Variants in RDX observed in about 807,000 individuals in gnomAD.
RDX encodes radixin, also known as deafness, autosomal recessive 24.
A neutral mutation model predicts 83.7 loss-of-function variants in RDX; 32 were observed. That is an observed-to-expected ratio of 0.38 (90% CI 0.29 to 0.51). The LOEUF (loss-of-function observed/expected upper bound fraction) is 0.51, where lower values mean the gene tolerates loss of function less well. Among genes scored for constraint, RDX ranks in the 20% least tolerant of loss-of-function variants. The pLI is 0.87. For missense variants in RDX, 600 were observed against 689.9 expected, an observed-to-expected ratio of 0.87 and a Z score of 1.46; for synonymous variants, 229 against 222.7, an observed-to-expected ratio of 1.03 and a Z score of -0.25.
chr11:110,279,409 C>G (rs1860660921), intron 2 of RDX, among the ~76,000 whole-genome samples: 1 of 152,056 alleles, frequency 6.6e-6, no homozygotes, highest in Admixed American at 6.6e-5. Context: ...GCCTGTAATC[C>G]CAGCTACTCA....
intron 14 of RDX, among the ~76,000 whole-genome samples, chr11:110,219,228 G>C (rs752596420): frequency 6.6e-6 from 1 of 152,196 alleles, no homozygotes; most frequent in African/African-American, 2.4e-5. Flanking sequence ...CTGAGTAAGA[G>C]GAGTTGGACC....
intron 1 of RDX, among the ~76,000 whole-genome samples, chr11:110,291,010 T>TA (rs779619805): frequency 1.4e-4 from 21 of 151,750 alleles, no homozygotes; most frequent in Non-Finnish European, 2.4e-4. Context: ...TGGGTGGGGG[T>TA]AAAAAAAGGA....
Position 110,264,835 on chromosome 11 carries a change from C to T in RDX, c.136G>A (p.Gly46Arg). Residue 46 changes from glycine (G) to arginine (R), a missense_variant, in exon 4 of 14, where the codon GGG (glycine) becomes AGG (arginine). By Grantham distance (125) the Gly-to-Arg change is moderately radical. Coordinates refer to ENST00000645495, the MANE Select transcript of RDX (RefSeq NM_002906.4). ...CCTTTGCTGTCTACATACTGCAGCCCAAAAAACCAGACCTCACGCAAACCA... is the reference window on the plus strand; with the variant it reads ...CCTTTGCTGTCTACATACTGCAGCCTAAAAAACCAGACCTCACGCAAACCA... ...TVGLREVWFF[G>R]LQYVDSKGYS... is the part of the protein sequence containing the mutation. 2 of 1,613,776 alleles carry T rather than the reference C, an allele frequency of 1.2e-6. No homozygotes were observed. Among genetic ancestry groups the T allele is most frequent in the Non-Finnish European group, 1.7e-6 (2 of 1,179,946 alleles).
chr11:110,199,432 G>T, intron 15 of RDX: 1 of 609,380 alleles, frequency 1.6e-6, no homozygotes, highest in Non-Finnish European at 3.0e-6. Flanking sequence ...GGTTGCTCTT[G>T]GTCAGTTCCT....
chr11:110,237,210 C>T (rs1003317263), intron 11 of RDX, among the ~76,000 whole-genome samples: 8 of 151,358 alleles, frequency 5.3e-5, no homozygotes, highest in African/African-American at 1.9e-4. Flanking sequence ...GACTTATTAC[C>T]GAACCTGTCC....
rs538371688 is a variant in RDX, at chr11:110,261,689, CCT to C, written c.467+2269_467+2270del. ...TTAAGATAACATGGCTTGAATTAGT[CCT>C]CCATGGAATATCAACTCTGAAGGAA... On this transcript the variant is annotated intron_variant, in intron 5 of 13. Transcript: ENST00000645495. Among the ~76,000 whole-genome samples, 11 of 152,222 alleles carry C rather than the reference CCT, an allele frequency of 7.2e-5. No homozygotes were observed. In the East Asian group the frequency reaches 2.1e-3, roughly 29 times the overall value.
intron 1 of RDX, among the ~76,000 whole-genome samples, chr11:110,280,699 G>C (rs763616848): frequency 6.6e-5 from 10 of 152,230 alleles, no homozygotes; most frequent in Admixed American, 2.0e-4. Context: ...CAACACTTTA[G>C]GACCTGTAAT....
intron 14 of RDX, among the ~76,000 whole-genome samples, chr11:110,205,884 T>A (rs928109775): frequency 1.3e-5 from 2 of 152,206 alleles, no homozygotes; most frequent in Non-Finnish European, 2.9e-5. Context: ...AATACTGTTG[T>A]GCTTATTCAC....
chr11:110,197,712 A>G (rs766373037), intron 15 of RDX, among the ~76,000 whole-genome samples: 22 of 152,236 alleles, frequency 1.4e-4, no homozygotes, highest in Non-Finnish European at 2.9e-4. Flanking sequence ...ACATGAATGA[A>G]TTTCTGCACT....
In RDX at chr11:110,237,663, T is replaced by C. The variant is rs754477800; in HGVS notation, c.1091-11A>G. 29 of 1,613,526 alleles carry C rather than the reference T, an allele frequency of 1.8e-5. No individual in the cohort carries two copies. Among genetic ancestry groups the C allele is most frequent in the Non-Finnish European group, 2.4e-5 (28 of 1,179,516 alleles). ...TCTGTTCTTCTAGTTCTATGAAATA[T>C]GTGTATTCCCCCCAACAGTGATTAA... On this transcript the variant is annotated splice_polypyrimidine_tract_variant and intron_variant, in intron 10 of 13. Coordinates refer to ENST00000645495, the MANE Select transcript of RDX (RefSeq NM_002906.4).
downstream of RDX, among the ~76,000 whole-genome samples, chr11:110,227,945 G>A (rs905125011): frequency 1.3e-5 from 2 of 152,076 alleles, no homozygotes; most frequent in Non-Finnish European, 2.9e-5. Context: ...TTGTATCACA[G>A]AGGTTAAGGG....
intron 7 of RDX, among the ~76,000 whole-genome samples, chr11:110,257,132 T>C (rs1250379581): frequency 1.3e-5 from 2 of 151,060 alleles, no homozygotes; most frequent in Admixed American, 1.3e-4. Flanking sequence ...ACCCATGTAT[T>C]TGTATAGTAC....
At chr11:110,208,923 T>G (rs1863705825) in intron 14 of RDX, among the ~76,000 whole-genome samples, 2 of 152,310 alleles carry the variant, frequency 1.3e-5, no homozygotes, top group South Asian at 4.1e-4. Context: ...GTCATTACAC[T>G]CTAGCCTGGG....
intron 11 of RDX, among the ~76,000 whole-genome samples, chr11:110,237,143 A>G (rs563528216): frequency 2.0e-5 from 3 of 149,506 alleles, no homozygotes; most frequent in East Asian, 3.9e-4. Context: ...ACTATAACAT[A>G]TATCTATATT....
chr11:110,275,788 T>C (rs1299880976), intron 2 of RDX, among the ~76,000 whole-genome samples: 1 of 148,350 alleles, frequency 6.7e-6, no homozygotes, highest in Non-Finnish European at 1.5e-5. Context: ...CATCCTTTTT[T>C]TTTTTTTTTT....
chr11:110,275,255 T>C (rs12269746), intron 2 of RDX, among the ~76,000 whole-genome samples: 6,843 of 152,258 alleles, frequency 0.045, 521 homozygotes, highest in African/African-American at 0.16. Context: ...TAAAGGGATT[T>C]TGCAGAAGTA....
rs776816556 is a variant in RDX, at chr11:110,271,707, A to AT, written c.96+828_96+829insA. Among the ~76,000 whole-genome samples, 73 of 152,228 alleles carry AT rather than the reference A, an allele frequency of 4.8e-4. 1 individual carries two copies. The highest frequency in any genetic ancestry group is 1.0e-3 in the Non-Finnish European group (68 of 67,992). ...CTAATACGCACTCAAGACTGAGAAG[A>AT]AAGATAAGATCAGTAGTCCCAGTTC... On this transcript the variant is annotated intron_variant, in intron 3 of 13. Transcript: ENST00000645495.
chr11:110,287,734 C>T (rs1184967469), intron 1 of RDX, among the ~76,000 whole-genome samples: 2 of 152,170 alleles, frequency 1.3e-5, no homozygotes, highest in Non-Finnish European at 2.9e-5. Flanking sequence ...GCCTACACTT[C>T]CTATCTTCAC....
intron 14 of RDX, among the ~76,000 whole-genome samples, chr11:110,223,492 C>G (rs1050191369): frequency 1.3e-5 from 2 of 152,054 alleles, no homozygotes; most frequent in Non-Finnish European, 2.9e-5. Context: ...CGCACCACTG[C>G]ACTCCAGTCT....
Sources: allele counts gnomAD v4.1 joint callset (sites outside exome capture counted in the v4.1 genomes callset), GRCh38; gene constraint gnomAD v4.1.1; transcripts MANE v1.5; gene names NCBI Gene and HGNC (gene_info 2026-07-23, HGNC 2026-07-21).